PDZK1IP1: variants seen among roughly 807,000 people sequenced by gnomAD.
PDZK1IP1 encodes the protein PDZK1-interacting protein 1.
A neutral mutation model predicts 14.7 loss-of-function variants in PDZK1IP1; 9 were observed. That is an observed-to-expected ratio of 0.61 (90% CI 0.37 to 1.07). The LOEUF is 1.07. Among genes scored for constraint, PDZK1IP1 ranks in the 50% least tolerant of loss-of-function variants. PDZK1IP1 has a pLI of 0.01. For synonymous variants in PDZK1IP1, 70 were observed against 61.2 expected (o/e 1.14, Z -0.67); for missense variants, 152 against 148.7 (o/e 1.02, Z -0.11).
intron 3 of PDZK1IP1, among the ~76,000 whole-genome samples, chr1:47,184,302 A>AT (rs1407494227): frequency 9.1e-6 from 1 of 109,400 alleles, no homozygotes; most frequent in South Asian, 3.4e-4. Flanking sequence ...CACCGAGCCC[A>AT]TCCCCCACTG....
rs962980489 is a variant in PDZK1IP1, at chr1:47,183,810, C to T, written c.*161G>A. On this transcript the variant is annotated 3_prime_UTR_variant, in exon 4 of 4. Coordinates refer to ENST00000294338, the MANE Select transcript of PDZK1IP1 (RefSeq NM_005764.4). ...ACCTAGACACGGTCTGAGCTCCAAC[C>T]TTGGCTGGCTATACTTCAAGGGCGG... The T allele has an allele frequency of 7.6e-6, 5 of 661,744 alleles. No individual in the cohort carries two copies. Among genetic ancestry groups the T allele is most frequent in the African/African-American group, 5.4e-5 (3 of 55,586 alleles). The allele number at this position is 661,744 out of a possible 1,614,324, so 41.0% of individuals were successfully genotyped here.
intron 1 of PDZK1IP1, 133 bp downstream of exon 1, chr1:47,189,733 G>T: frequency 3.3e-6 from 2 of 599,830 alleles, no homozygotes; most frequent in Non-Finnish European, 5.6e-6. Flanking sequence ...TCTCTGCCTT[G>T]GGACATTCTT....
At chr1:47,188,225 C>G (rs1249326425) in intron 1 of PDZK1IP1, among the ~76,000 whole-genome samples, 1 of 152,190 alleles carries the variant, frequency 6.6e-6, no homozygotes, top group Non-Finnish European at 1.5e-5. Flanking sequence ...AGGCTGGTCT[C>G]AAACTCCTGG....
intron 2 of PDZK1IP1, among the ~76,000 whole-genome samples, chr1:47,185,973 T>A (rs1375188455): frequency 6.6e-6 from 1 of 151,702 alleles, no homozygotes; most frequent in Non-Finnish European, 1.5e-5. Context: ...GCAGCCAGAG[T>A]CATTCTGCTA....
At chr1:47,185,514 C>T (rs939951740) in intron 2 of PDZK1IP1, among the ~76,000 whole-genome samples, 3 of 152,152 alleles carry the variant, frequency 2.0e-5, no homozygotes, top group Non-Finnish European at 4.4e-5. Context: ...CAACAACCTT[C>T]TCGTCTCTTA....
rs988842502 is a variant in PDZK1IP1, at chr1:47,186,290, A to G, written c.176+1029T>C. ...GCCATTGCACTCCAGCCTGGGCAACAAGAGCAAAACTCCATCTCCAAAAAA... is the reference window on the plus strand; with the variant it reads ...GCCATTGCACTCCAGCCTGGGCAACGAGAGCAAAACTCCATCTCCAAAAAA... On this transcript the variant is annotated intron_variant, in intron 2 of 3. Transcript: ENST00000294338. 9.2e-5 allele frequency among the ~76,000 whole-genome samples: 14 copies of G among 151,590 alleles called. No individual in the cohort carries two copies. In the Middle Eastern group the frequency reaches 0.014, roughly 147 times the overall value.
intron 2 of PDZK1IP1, 98 bp from the exon 3 acceptor site, chr1:47,185,195 C>G (rs1645311909): frequency 2.2e-6 from 2 of 893,372 alleles, no homozygotes; most frequent in African/African-American, 3.3e-5. Flanking sequence ...CGAAGGCTAG[C>G]AACTGCCCTT....
Position 47,187,417 on chromosome 1 carries a change from G to T in PDZK1IP1, c.78C>A (p.Asn26Lys), listed in dbSNP as rs200901884. 59 of 1,612,620 alleles carry T rather than the reference G, an allele frequency of 3.7e-5. No individual in the cohort carries two copies. The highest frequency in any genetic ancestry group is 1.6e-4 in the African/African-American group (12 of 75,044). ...PPASCQQGLGNLQPWMQGLIA... is the reference protein window; with the variant it reads ...PPASCQQGLGKLQPWMQGLIA... ...TAAGGCCCTGCATCCAGGGCTGAAGGTTCCCCAGGCCTAACAAAGGGAGAG... is the reference window on the plus strand; with the variant it reads ...TAAGGCCCTGCATCCAGGGCTGAAGTTTCCCCAGGCCTAACAAAGGGAGAG... The change falls in exon 2 of 4, where the codon AAC (asparagine) becomes AAA (lysine). Residue 26 changes from asparagine to lysine, a missense_variant. By Grantham distance (94) the Asn-to-Lys change is moderately conservative. Transcript: ENST00000294338.
chr1:47,187,303 C>T lies in PDZK1IP1; in HGVS notation c.176+16G>A. 6.3e-7 allele frequency: 1 copy of T among 1,596,624 alleles called. No homozygotes were observed. The highest frequency in any genetic ancestry group is 8.6e-7 in the Non-Finnish European group (1 of 1,165,406). On this transcript the variant is annotated intron_variant, in intron 2 of 3. Transcript: ENST00000294338. ...GGCCCACCCTGCCTGCTCAGGGACCCTTGGGCAGCACTCACGGCTCCTCCT... is the reference window on the plus strand; with the variant it reads ...GGCCCACCCTGCCTGCTCAGGGACCTTTGGGCAGCACTCACGGCTCCTCCT...
At chr1:47,184,188 G>C (rs989404895) in intron 3 of PDZK1IP1, 145 bp from the exon 4 acceptor site, 7 of 674,490 alleles carry the variant, frequency 1.0e-5, no homozygotes, top group Non-Finnish European at 1.8e-5. Context: ...CCACATCTGG[G>C]CTTATGCATC....
Position 47,186,447 on chromosome 1 carries a change from C to T in PDZK1IP1, c.176+872G>A, listed in dbSNP as rs186308836. Among the ~76,000 whole-genome samples the T allele has an allele frequency of 2.0e-4, 31 of 152,378 alleles. No individual in the cohort carries two copies. In the East Asian group the frequency reaches 5.2e-3, roughly 26 times the overall value. On this transcript the variant is annotated intron_variant, in intron 2 of 3. Coordinates refer to ENST00000294338, the MANE Select transcript of PDZK1IP1 (RefSeq NM_005764.4). ...TCACCAGCCTCATCTCAGGTGTCTC[C>T]ATCCCTGTCTCCACCCACTGAGCCA...
At position 47,189,778 on chromosome 1, in the gene PDZK1IP1, G is replaced by GT. The variant is rs1645341533; in HGVS notation, c.67+87dup. On this transcript the variant is annotated intron_variant, in intron 1 of 3. Coordinates refer to ENST00000294338, the MANE Select transcript of PDZK1IP1 (RefSeq NM_005764.4). ...GCAGTCCCTGCTCCCCCTCCAAACTGTAAGTATCAAGGCCCTGGGGAGGGG... is the reference window on the plus strand; with the variant it reads ...GCAGTCCCTGCTCCCCCTCCAAACTGTTAAGTATCAAGGCCCTGGGGAGGGG... 3.1e-6 allele frequency: 3 copies of GT among 970,560 alleles called. No individual in the cohort carries two copies. In the East Asian group the frequency reaches 8.1e-5, roughly 26 times the overall value. The allele number at this position is 970,560 out of a possible 1,614,324, so 60.1% of individuals were successfully genotyped here. A position where few individuals can be genotyped will look rare whatever the true frequency, so the allele number is the denominator to read the frequency against.
intron 2 of PDZK1IP1, among the ~76,000 whole-genome samples, chr1:47,186,808 C>A (rs1198057007): frequency 6.6e-6 from 1 of 152,236 alleles, no homozygotes; most frequent in East Asian, 1.9e-4. Context: ...TCTGGCCACC[C>A]CGGACCAGGT....
intron 1 of PDZK1IP1, 53 bp from the exon 2 acceptor site, chr1:47,187,480 G>T: frequency 7.0e-7 from 1 of 1,427,404 alleles, no homozygotes; most frequent in Non-Finnish European, 9.8e-7. Context: ...GGCTGCATGT[G>T]CAGGAGAGCG....
chr1:47,189,913 A>G lies in PDZK1IP1; in HGVS notation c.20T>C (p.Leu7Pro), dbSNP rs777434871. The G allele has an allele frequency of 3.8e-6, 6 of 1,595,646 alleles. No individual in the cohort carries two copies. In the Admixed American group the frequency reaches 6.7e-5, roughly 18 times the overall value. The change falls in exon 1 of 4, where the codon CTC becomes CCC. Residue 7 changes from leucine (L) to proline (P), a missense_variant. Transcript: ENST00000294338. MSALSL[L>P]ILGLLTAVPP... ...CACTGCCGTGAGCAGGCCCAGAATG[A>G]GGAGGCTGAGGGCCGACATGGCTGC...
At chr1:47,189,722 G>C (rs1385909526) in intron 1 of PDZK1IP1, 144 bp downstream of exon 1, 1 of 557,658 alleles carries the variant, frequency 1.8e-6, no homozygotes, top group South Asian at 2.6e-5. Flanking sequence ...TGGTTCAGAG[G>C]TCTCTGCCTT....
rs893222319 is a variant in PDZK1IP1, at chr1:47,189,966, C to T, written c.-34G>A. 1.3e-6 allele frequency: 2 copies of T among 1,536,964 alleles called. No homozygotes were observed. Among genetic ancestry groups the T allele is most frequent in the Middle Eastern group, 3.4e-4 (2 of 5,860 alleles). On this transcript the variant is annotated 5_prime_UTR_variant, in exon 1 of 4. Transcript: ENST00000294338. ...CAGCTCCTAGCCTTGCTTCTGGCCGCCGGTGTCTGGGCTCCTGGAGCTGCT... is the reference window on the plus strand; with the variant it reads ...CAGCTCCTAGCCTTGCTTCTGGCCGTCGGTGTCTGGGCTCCTGGAGCTGCT...
chr1:47,188,685 A>G (rs1350549304), intron 1 of PDZK1IP1, among the ~76,000 whole-genome samples: 4 of 152,302 alleles, frequency 2.6e-5, no homozygotes, highest in African/African-American at 9.6e-5. Flanking sequence ...AGCCTGGCAA[A>G]TATTGGGAAG....
intron 3 of PDZK1IP1, among the ~76,000 whole-genome samples, chr1:47,184,545 A>G: frequency 8.9e-6 from 1 of 111,994 alleles, no homozygotes. Flanking sequence ...TCCCCCACTG[A>G]GCTCCATCCC....
Sources: gnomAD v4.1 joint callset for allele counts (sites outside exome capture counted in the v4.1 genomes callset) on GRCh38, gnomAD v4.1.1 for gene constraint, MANE v1.5 for transcripts, NCBI Gene and HGNC (gene_info 2026-07-23, HGNC 2026-07-21) for gene names.